The following CDK14 variants were observed in gnomAD, a reference collection of about 807,000 sequenced individuals.
CDK14 encodes the protein cyclin dependent kinase 14.
CDK14 carries 34 observed loss-of-function variants against 60.7 expected under a neutral mutation model. That is an observed-to-expected ratio of 0.56 (90% CI 0.43 to 0.75). The LOEUF (loss-of-function observed/expected upper bound fraction) is 0.75, where lower values mean the gene tolerates loss of function less well. Among genes scored for constraint, CDK14 ranks in the 30% least tolerant of loss-of-function variants. The pLI is 0.00. For synonymous variants in CDK14, 197 were observed against 203.7 expected (o/e 0.97, Z 0.28); for missense variants, 482 against 564.1 (o/e 0.85, Z 1.47).
chr7:90,635,230 A>T (rs1455699151), intron 2 of CDK14, among the ~76,000 whole-genome samples: 1 of 152,178 alleles, frequency 6.6e-6, no homozygotes, highest in African/African-American at 2.4e-5. Context: ...CTGACTGGTA[A>T]TGCCTAGGTT....
At chr7:91,107,129 T>C (rs1405188183) in intron 12 of CDK14, among the ~76,000 whole-genome samples, 1 of 152,336 alleles carries the variant, frequency 6.6e-6, no homozygotes, top group East Asian at 1.9e-4. Flanking sequence ...AGGAGGTTCA[T>C]TTCACGTCCT....
intron 11 of CDK14, among the ~76,000 whole-genome samples, chr7:91,055,513 A>C (rs1245029780): frequency 6.6e-6 from 1 of 152,238 alleles, no homozygotes; most frequent in Non-Finnish European, 1.5e-5. Context: ...AGGGAAAATG[A>C]AGTTCTACTG....
chr7:91,113,711 C>T (rs1799534647), intron 13 of CDK14, among the ~76,000 whole-genome samples: 1 of 152,058 alleles, frequency 6.6e-6, no homozygotes, highest in Non-Finnish European at 1.5e-5. Flanking sequence ...GGATTTTAGA[C>T]TTCTTTCATC....
Position 91,178,912 on chromosome 7 carries a change from G to A in CDK14, c.*29-28253G>A, listed in dbSNP as rs1027393647. Among the ~76,000 whole-genome samples, 35 of 152,174 alleles carry A rather than the reference G, an allele frequency of 2.3e-4. 2 individuals are homozygous for A. The highest frequency in any genetic ancestry group is 7.7e-4 in the African/African-American group (32 of 41,494). On this transcript the variant is annotated intron_variant, in intron 14 of 14. Transcript: ENST00000380050. Reference sequence around the variant, plus strand: ...GAAGTCAGTGTGGCGATTCCTCAGGGATCTAGAACTAGAAATACCATTTGA... The same window carrying A: ...GAAGTCAGTGTGGCGATTCCTCAGGAATCTAGAACTAGAAATACCATTTGA...
chr7:90,843,199 C>G (rs1029829264), intron 5 of CDK14, among the ~76,000 whole-genome samples: 13 of 152,122 alleles, frequency 8.5e-5, no homozygotes, highest in Non-Finnish European at 1.5e-4. Context: ...ACTGCTAGTT[C>G]TCTTCTAGCT....
At position 91,040,933 on chromosome 7, in the gene CDK14, T is replaced by C. The variant is rs898522964; in HGVS notation, c.1042-4964T>C. 2.0e-5 allele frequency among the ~76,000 whole-genome samples: 3 copies of C among 152,236 alleles called. No individual in the cohort carries two copies. In the East Asian group the frequency reaches 5.8e-4, roughly 29 times the overall value. ...CTGACAAACACTAGTTTGTTAGAGT[T>C]ACTCTGAGCTCTAGAAGTTTAGAAT... is the stretch of plus-strand genomic sequence containing the variant. On this transcript the variant is annotated intron_variant, in intron 10 of 14. Transcript: ENST00000380050.
At chr7:90,782,216 T>A (rs1805360277) in intron 4 of CDK14, among the ~76,000 whole-genome samples, 1 of 152,180 alleles carries the variant, frequency 6.6e-6, no homozygotes, top group South Asian at 2.1e-4. Flanking sequence ...TGGCTCTCTG[T>A]TTGTCTATTA....
rs914885657 is a variant in CDK14 at position 90,895,348 on chromosome 7, C to T, written c.640-3943C>T. ...CTCCTTTCCTCTCCTCTCCTCTCCT[C>T]TCCTCTCCTCACCTCTCCTCCCCTC... On this transcript the variant is annotated intron_variant, in intron 6 of 14. Coordinates refer to ENST00000380050, the MANE Select transcript of CDK14 (RefSeq NM_001287135.2). Among the ~76,000 whole-genome samples, 525 of 86,314 alleles carry T rather than the reference C, an allele frequency of 6.1e-3. 60 individuals are homozygous for T. Among genetic ancestry groups the T allele is most frequent in the Non-Finnish European group, 9.0e-3 (369 of 40,934 alleles). 56.6% of individuals were successfully genotyped at this position (86,314 alleles called of 152,430 possible).
chr7:90,598,526 C>T (rs1457893358), intron 1 of CDK14, among the ~76,000 whole-genome samples: 1 of 151,928 alleles, frequency 6.6e-6, no homozygotes, highest in Non-Finnish European at 1.5e-5. Context: ...GATTCTGAAT[C>T]GTAGATCTCA....
At chr7:90,891,143 T>C (rs1469289160) in intron 6 of CDK14, among the ~76,000 whole-genome samples, 1 of 152,156 alleles carries the variant, frequency 6.6e-6, no homozygotes, top group African/African-American at 2.4e-5. Flanking sequence ...ATTATTGCCC[T>C]TTTTCTTCAG....
At chr7:91,204,745 T>C (rs1802832156) in intron 14 of CDK14, among the ~76,000 whole-genome samples, 1 of 152,148 alleles carries the variant, frequency 6.6e-6, no homozygotes, top group African/African-American at 2.4e-5. Flanking sequence ...GCCCAGGAGT[T>C]CAAGACCAGC....
At position 90,899,370 on chromosome 7, in the gene CDK14, T is replaced by A; in HGVS notation, c.702+17T>A. ...AATGTGAAGGTAGGAAAAGATCTTT[T>A]TAAGCCAAAGGTTAGCATTCTTGAT... On this transcript the variant is annotated intron_variant, in intron 7 of 14. Transcript: ENST00000380050. 6.3e-7 allele frequency: 1 copy of A among 1,585,366 alleles called. No homozygotes were observed. The highest frequency in any genetic ancestry group is 8.6e-7 in the Non-Finnish European group (1 of 1,166,008).
chr7:90,609,408 G>A (rs961585975), intron 2 of CDK14, among the ~76,000 whole-genome samples: 1 of 152,162 alleles, frequency 6.6e-6, no homozygotes, highest in Non-Finnish European at 1.5e-5. Context: ...TGGAAGGGGG[G>A]CCTGGTGGGA....
chr7:90,785,595 C>G (rs1022659492), intron 4 of CDK14, among the ~76,000 whole-genome samples: 3 of 151,900 alleles, frequency 2.0e-5, no homozygotes, highest in Non-Finnish European at 4.4e-5. Flanking sequence ...ACGATCCTGG[C>G]TAACACGGTG....
chr7:91,025,815 G>A (rs1796554942), intron 10 of CDK14, among the ~76,000 whole-genome samples: 1 of 152,144 alleles, frequency 6.6e-6, no homozygotes, highest in Admixed American at 6.5e-5. Flanking sequence ...GTTTAATTTT[G>A]TATATTCTAA....
chr7:91,045,880 C>G lies in CDK14; in HGVS notation c.1042-17C>G, dbSNP rs3779581. The G allele has an allele frequency of 3.2e-6, 5 of 1,567,506 alleles. No individual in the cohort carries two copies. Among genetic ancestry groups the G allele is most frequent in the Non-Finnish European group, 4.4e-6 (5 of 1,137,864 alleles). On this transcript the variant is annotated splice_polypyrimidine_tract_variant and intron_variant, in intron 10 of 14. Transcript: ENST00000380050. ...GAAATAATAAGGCTGTTTCCACAAT[C>G]TCCTACTCTCCACTAGGTTCTTGGA... is the stretch of plus-strand genomic sequence containing the variant.
At chr7:91,145,853 CTAAGTCT>C (rs1186261138) in intron 14 of CDK14, among the ~76,000 whole-genome samples, 2 of 152,164 alleles carry the variant, frequency 1.3e-5, no homozygotes, top group African/African-American at 2.4e-5. Flanking sequence ...TTGGGTAAAT[CTAAGTCT>C]TTCCTATCCT....
intron 2 of CDK14, among the ~76,000 whole-genome samples, chr7:90,676,708 G>A (rs535457179): frequency 5.9e-5 from 9 of 151,756 alleles, no homozygotes; most frequent in African/African-American, 1.9e-4. Flanking sequence ...AGTTTTGCTC[G>A]TTTTTTTGGT....
chr7:90,926,663 A>G (rs1369572117), intron 8 of CDK14, among the ~76,000 whole-genome samples: 1 of 152,134 alleles, frequency 6.6e-6, no homozygotes, highest in Non-Finnish European at 1.5e-5. Flanking sequence ...ATTTCCCCAC[A>G]CCAATAACCA....
Sources: gnomAD v4.1 joint callset for allele counts (sites outside exome capture counted in the v4.1 genomes callset) on GRCh38, gnomAD v4.1.1 for gene constraint, MANE v1.5 for transcripts, NCBI Gene and HGNC (gene_info 2026-07-23, HGNC 2026-07-21) for gene names.